The following ANKS1B variants were observed in gnomAD, a reference collection of about 807,000 sequenced individuals.
ANKS1B encodes the protein ankyrin repeat and sterile alpha motif domain-containing protein 1B.
In ANKS1B, 36 loss-of-function variants were observed where a neutral mutation model predicts 148.3. The observed-to-expected ratio is 0.24, with a 90% CI of 0.19 to 0.32. The LOEUF is 0.32. Among genes scored for constraint, ANKS1B ranks in the 10% least tolerant of loss-of-function variants. The probability of loss-of-function intolerance (pLI) is 1.00; values close to 1 mark genes in which losing one functional copy is unlikely to be tolerated. For synonymous variants in ANKS1B, 542 were observed against 560.8 expected (o/e 0.97, Z 0.47); for missense variants, 1,157 against 1,542.6 (o/e 0.75, Z 4.19).
At position 99,761,961 on chromosome 12, in the gene ANKS1B, C is replaced by T. The variant is rs145495423; in HGVS notation, c.1128+10961G>A. On this transcript the variant is annotated intron_variant, in intron 8 of 26. Transcript: ENST00000683438. ...CCATTTACAATAAACACACAAAAAA[C>T]GAAATACCAAGGAATACAGCTAACC... Among the ~76,000 whole-genome samples the T allele has an allele frequency of 2.7e-4, 41 of 151,750 alleles. No homozygotes were observed. In the East Asian group the frequency reaches 3.9e-3, roughly 14 times the overall value.
chr12:98,956,829 T>A (rs2099863022), intron 17 of ANKS1B, among the ~76,000 whole-genome samples: 1 of 152,082 alleles, frequency 6.6e-6, no homozygotes. Context: ...TTTCTCAATT[T>A]CCATGCCTTT....
intron 14 of ANKS1B, among the ~76,000 whole-genome samples, chr12:99,204,817 A>C (rs2082455363): frequency 6.6e-6 from 1 of 152,214 alleles, no homozygotes; most frequent in Non-Finnish European, 1.5e-5. Flanking sequence ...AGTCTGTCAC[A>C]CTGTCTTATA....
At position 99,775,598 on chromosome 12, in the gene ANKS1B, T is replaced by C; in HGVS notation, c.911A>G (p.Gln304Arg). The C allele has an allele frequency of 6.2e-7, 1 of 1,613,482 alleles. No individual in the cohort carries two copies. The highest frequency in any genetic ancestry group is 8.5e-7 in the Non-Finnish European group (1 of 1,179,546). The change falls in exon 7 of 27, where the codon CAA (glutamine) becomes CGA (arginine). Residue 304 changes from glutamine (Q) to arginine (R), a missense_variant. Physicochemically the swap from Gln to Arg is conservative, Grantham distance 43. Around this residue, in one of 6 missense-constraint regions of ANKS1B, gnomAD observed 661 missense variants for 642.1 expected, o/e 1.03. Coordinates refer to ENST00000683438, the MANE Select transcript of ANKS1B (RefSeq NM_001352186.2). ...AACAGGAGATGAAATGTGTGTTTCT[T>C]GTGTTGCATCTTCCTGTACAGGCTC... ...LEEPVQEDAT[Q>R]ETHISSPVES...
chr12:99,781,839 C>T (rs1039351781), intron 5 of ANKS1B, among the ~76,000 whole-genome samples, 183 bp downstream of exon 5: 1 of 152,144 alleles, frequency 6.6e-6, no homozygotes, highest in African/African-American at 2.4e-5. Flanking sequence ...AGAAGTTGCA[C>T]ATTGATATCA....
At chr12:99,604,829 A>AG (rs1221719202) in intron 9 of ANKS1B, among the ~76,000 whole-genome samples, 4 of 151,100 alleles carry the variant, frequency 2.6e-5, no homozygotes, top group African/African-American at 4.9e-5. Context: ...AAAAAAAAAA[A>AG]AAAGAAAAGA....
intron 17 of ANKS1B, among the ~76,000 whole-genome samples, chr12:98,834,525 T>C (rs1188107416): frequency 1.3e-5 from 2 of 152,138 alleles, no homozygotes; most frequent in Non-Finnish European, 2.9e-5. Context: ...GAGGGATGAT[T>C]TGAGTTATTT....
chr12:99,662,696 T>C (rs948278512), intron 8 of ANKS1B, among the ~76,000 whole-genome samples: 4 of 152,178 alleles, frequency 2.6e-5, no homozygotes, highest in South Asian at 2.1e-4. Context: ...CATGAAAGAA[T>C]ACATTTATGA....
chr12:99,322,978 CT>C (rs1280648294), intron 12 of ANKS1B, among the ~76,000 whole-genome samples: 2 of 152,204 alleles, frequency 1.3e-5, no homozygotes, highest in Admixed American at 6.5e-5. Context: ...GTGAGGCCCC[CT>C]GGTCATGTGG....
chr12:98,742,629 T>A (rs2097809078), downstream of ANKS1B, among the ~76,000 whole-genome samples: 1 of 152,224 alleles, frequency 6.6e-6, no homozygotes, highest in African/African-American at 2.4e-5. Context: ...CAGGGTTATT[T>A]CGACCACAAA....
intron 14 of ANKS1B, among the ~76,000 whole-genome samples, chr12:99,162,151 T>C (rs55750634): frequency 0.29 from 44,162 of 151,992 alleles, 7,868 homozygotes; most frequent in East Asian, 0.52. Flanking sequence ...GAATGTAGAT[T>C]AGGGGTTTCC....
intron 15 of ANKS1B, among the ~76,000 whole-genome samples, chr12:99,137,612 CCT>C (rs1302939974): frequency 1.3e-5 from 2 of 152,040 alleles, no homozygotes. Flanking sequence ...TCGCCTGGCC[CCT>C]GTTTGGTAAA....
intron 9 of ANKS1B, among the ~76,000 whole-genome samples, chr12:99,517,563 C>CA (rs67889061): frequency 0.14 from 16,785 of 124,172 alleles, 1,155 homozygotes; most frequent in Non-Finnish European, 0.18. Context: ...AGTAAAAATA[C>CA]AAAAAAAAAA....
intron 17 of ANKS1B, among the ~76,000 whole-genome samples, chr12:98,901,163 G>A (rs1014606483): frequency 6.6e-6 from 1 of 152,174 alleles, no homozygotes; most frequent in Admixed American, 6.5e-5. Flanking sequence ...TTTACAGAAC[G>A]AGTGAAAGAA....
At chr12:99,267,934 A>C (rs563116667) in intron 12 of ANKS1B, among the ~76,000 whole-genome samples, 1 of 152,302 alleles carries the variant, frequency 6.6e-6, no homozygotes, top group East Asian at 1.9e-4. Context: ...GAAGACATGA[A>C]GGGAGAATGG....
Position 98,908,999 on chromosome 12 carries a change from G to A in ANKS1B, c.2779-76863C>T, listed in dbSNP as rs180931047. Among the ~76,000 whole-genome samples, 6 of 152,244 alleles carry A rather than the reference G, an allele frequency of 3.9e-5. No homozygotes were observed. In the East Asian group the frequency reaches 1.2e-3, roughly 29 times the overall value. On this transcript the variant is annotated intron_variant, in intron 17 of 26. Coordinates refer to ENST00000683438, the MANE Select transcript of ANKS1B (RefSeq NM_001352186.2). ...AATGCGGGAGAGGGGCTCAGTGTCTGTTCTCAAAGAGGCATTGAAATTCAC... is the reference window on the plus strand; with the variant it reads ...AATGCGGGAGAGGGGCTCAGTGTCTATTCTCAAAGAGGCATTGAAATTCAC...
intron 19 of ANKS1B, among the ~76,000 whole-genome samples, chr12:98,816,726 A>G (rs1004864376): frequency 2.0e-5 from 3 of 152,206 alleles, no homozygotes; most frequent in African/African-American, 7.2e-5. Flanking sequence ...AGTAGGGATC[A>G]ATCTTGCTTT....
chr12:99,060,848 T>TA (rs981330287), intron 16 of ANKS1B, among the ~76,000 whole-genome samples: 3 of 151,130 alleles, frequency 2.0e-5, no homozygotes, highest in African/African-American at 4.9e-5. Context: ...TAAAAACAGG[T>TA]AAAAAAAATA....
intron 25 of ANKS1B, among the ~76,000 whole-genome samples, chr12:98,756,617 T>C (rs2098250739): frequency 6.6e-6 from 1 of 151,014 alleles, no homozygotes; most frequent in Non-Finnish European, 1.5e-5. Context: ...TCCCAGCTAC[T>C]TGGGAGGCTG....
rs911696739 is a variant in ANKS1B at position 99,189,322 on chromosome 12, A to T, written c.2420-34927T>A. On this transcript the variant is annotated intron_variant, in intron 14 of 26. Coordinates refer to ENST00000683438, the MANE Select transcript of ANKS1B (RefSeq NM_001352186.2). The stretch of plus-strand genomic sequence containing the variant: ...TATTCCAAACAATAGAAAAAGAGGG[A>T]CTCCACCCTAACTCATTTTATGAGA... Among the ~76,000 whole-genome samples the T allele has an allele frequency of 2.6e-5, 4 of 152,190 alleles. No homozygotes were observed. The East Asian group carries it at 7.7e-4, about 29-fold the overall frequency.
Sources: allele counts gnomAD v4.1 joint callset (sites outside exome capture counted in the v4.1 genomes callset), GRCh38; gene constraint gnomAD v4.1.1; regional missense constraint gnomAD v4.1.1; transcripts MANE v1.5; gene names NCBI Gene and HGNC (gene_info 2026-07-23, HGNC 2026-07-21).